The following NYAP2 variants were observed in gnomAD, a reference collection of about 807,000 sequenced individuals.
NYAP2 encodes the protein neuronal tyrosine-phosphorylated phosphoinositide-3-kinase adaptor 2.
NYAP2 carries 23 observed loss-of-function variants against 50.4 expected under a neutral mutation model. That is an observed-to-expected ratio of 0.46 (90% CI 0.33 to 0.65). The LOEUF is 0.65. Among genes scored for constraint, NYAP2 ranks in the 30% least tolerant of loss-of-function variants. The pLI, the probability that NYAP2 is intolerant of heterozygous loss-of-function variation, is 0.02. For synonymous variants in NYAP2, 394 were observed against 365.2 expected, an observed-to-expected ratio of 1.08 and a Z score of -0.90; for missense variants, 885 against 861.0, an observed-to-expected ratio of 1.03 and a Z score of -0.35.
chr2:225,554,555 C>G (rs1691740809), intron 4 of NYAP2, among the ~76,000 whole-genome samples: 1 of 151,938 alleles, frequency 6.6e-6, no homozygotes, highest in East Asian at 1.9e-4. Context: ...ATCTCCTGAC[C>G]TCATGATCTG....
At chr2:225,451,272 A>G (rs144485795) in intron 3 of NYAP2, among the ~76,000 whole-genome samples, 233 of 152,274 alleles carry the variant, frequency 1.5e-3, no homozygotes, top group African/African-American at 5.1e-3. Flanking sequence ...TTTCTTCACC[A>G]TCTGTTCATG....
intron 3 of NYAP2, among the ~76,000 whole-genome samples, chr2:225,418,772 T>C (rs909747541): frequency 9.2e-5 from 14 of 152,336 alleles, no homozygotes; most frequent in African/African-American, 3.1e-4. Context: ...AACACTTTTA[T>C]AAAACTTTTT....
At chr2:225,493,628 G>T (rs146452093) in intron 3 of NYAP2, among the ~76,000 whole-genome samples, 1 of 152,264 alleles carries the variant, frequency 6.6e-6, no homozygotes, top group Admixed American at 6.5e-5. Flanking sequence ...GTGCATTTGC[G>T]CAATTGCTTC....
chr2:225,428,066 C>A (rs976115229), intron 3 of NYAP2, among the ~76,000 whole-genome samples: 2 of 152,084 alleles, frequency 1.3e-5, no homozygotes, highest in South Asian at 2.1e-4. Context: ...GATGGGTATG[C>A]AAAAGGGGTT....
intron 5 of NYAP2, among the ~76,000 whole-genome samples, chr2:225,613,371 A>T (rs1171779200): frequency 6.6e-6 from 1 of 151,656 alleles, no homozygotes; most frequent in East Asian, 1.9e-4. Context: ...GCTTTATTCC[A>T]CCTCTGCTGG....
At chr2:225,650,583 A>G (rs1329908845) in intron 6 of NYAP2, among the ~76,000 whole-genome samples, 1 of 152,232 alleles carries the variant, frequency 6.6e-6, no homozygotes, top group Non-Finnish European at 1.5e-5. Context: ...TCTTAGGATT[A>G]GAGATAATTT....
intron 4 of NYAP2, among the ~76,000 whole-genome samples, chr2:225,577,927 C>G (rs1692196917): frequency 6.6e-6 from 1 of 151,812 alleles, no homozygotes; most frequent in Non-Finnish European, 1.5e-5. Context: ...CTCACACCCT[C>G]ATTTAATTTA....
At chr2:225,404,660 T>G (rs1694910778) in intron 2 of NYAP2, among the ~76,000 whole-genome samples, 1 of 152,096 alleles carries the variant, frequency 6.6e-6, no homozygotes, top group Middle Eastern at 3.4e-3. Context: ...CAAAGTGATC[T>G]TTGTGAAGGG....
intron 4 of NYAP2, among the ~76,000 whole-genome samples, chr2:225,516,687 C>G (rs1267914493): frequency 6.6e-6 from 1 of 152,076 alleles, no homozygotes; most frequent in East Asian, 1.9e-4. Context: ...AGTCCAAATG[C>G]ATGTGTATAT....
chr2:225,467,331 T>C (rs1422940210), intron 3 of NYAP2, among the ~76,000 whole-genome samples: 7 of 152,152 alleles, frequency 4.6e-5, no homozygotes, highest in Non-Finnish European at 2.9e-5. Flanking sequence ...ATTGGGAGAC[T>C]GACTCACCCC....
chr2:225,654,700 A>G (rs189994806), downstream of NYAP2, among the ~76,000 whole-genome samples: 1 of 152,264 alleles, frequency 6.6e-6, no homozygotes, highest in East Asian at 1.9e-4. Flanking sequence ...ATAAAATAAA[A>G]CAAAAAATAA....
chr2:225,430,325 A>G (rs904183581), intron 3 of NYAP2, among the ~76,000 whole-genome samples: 1 of 152,218 alleles, frequency 6.6e-6, no homozygotes, highest in African/African-American at 2.4e-5. Flanking sequence ...GAATAATCAG[A>G]CATGTCTACA....
upstream of NYAP2, among the ~76,000 whole-genome samples, chr2:225,397,967 T>G (rs1426792072): frequency 6.6e-5 from 10 of 151,958 alleles, no homozygotes; most frequent in Admixed American, 6.6e-4. Flanking sequence ...AGATATATTT[T>G]CCTAAAGTTG....
chr2:225,461,925 A>T (rs574844012), intron 3 of NYAP2, among the ~76,000 whole-genome samples: 7 of 152,220 alleles, frequency 4.6e-5, no homozygotes, highest in Non-Finnish European at 2.9e-5. Flanking sequence ...GAGTGAAAAC[A>T]GGTATCTTCT....
At chr2:225,554,060 G>T (rs181785271) in intron 4 of NYAP2, among the ~76,000 whole-genome samples, 1 of 152,186 alleles carries the variant, frequency 6.6e-6, no homozygotes, top group East Asian at 1.9e-4. Context: ...AATTAAAAAG[G>T]TTAGATATTT....
intron 3 of NYAP2, among the ~76,000 whole-genome samples, chr2:225,428,533 A>G (rs566772756): frequency 5.0e-4 from 76 of 152,340 alleles, no homozygotes; most frequent in African/African-American, 1.7e-3. Flanking sequence ...TACTTAAATG[A>G]ATGAGTGTGG....
chr2:225,634,197 T>C (rs570826173), intron 6 of NYAP2, among the ~76,000 whole-genome samples: 8 of 152,328 alleles, frequency 5.3e-5, no homozygotes, highest in African/African-American at 1.9e-4. Context: ...TAATCCTTCA[T>C]AGCACCCTTG....
chr2:225,487,099 G>A (rs1302196962), intron 3 of NYAP2, among the ~76,000 whole-genome samples: 1 of 152,218 alleles, frequency 6.6e-6, no homozygotes, highest in African/African-American at 2.4e-5. Context: ...GGAATGAGTA[G>A]GCTTTCCCTG....
downstream of NYAP2, among the ~76,000 whole-genome samples, chr2:225,654,769 G>A (rs1220897226): frequency 6.6e-6 from 1 of 152,130 alleles, no homozygotes; most frequent in East Asian, 1.9e-4. Context: ...CTTGTCTATG[G>A]AGGAATCTGG....
Sources: allele counts gnomAD v4.1 joint callset (sites outside exome capture counted in the v4.1 genomes callset), GRCh38; gene constraint gnomAD v4.1.1; transcripts MANE v1.5; gene names NCBI Gene and HGNC (gene_info 2026-07-23, HGNC 2026-07-21).